RFFL: variants seen among roughly 807,000 people sequenced by gnomAD.
RFFL encodes E3 ubiquitin-protein ligase rififylin.
In RFFL, 16 loss-of-function variants were observed where a neutral mutation model predicts 40.4. The ratio of observed to expected loss-of-function variants is 0.40; its 90% CI spans 0.27 to 0.60. RFFL has a LOEUF of 0.60. Among genes scored for constraint, RFFL ranks in the 20% least tolerant of loss-of-function variants. RFFL has a pLI of 0.47. For missense variants in RFFL, 367 were observed against 451.7 expected (o/e 0.81, Z 1.70); for synonymous variants, 154 against 167.9 (o/e 0.92, Z 0.64).
intron 1 of RFFL, among the ~76,000 whole-genome samples, chr17:35,055,302 AC>A (rs1214687903): frequency 6.6e-6 from 1 of 152,168 alleles, no homozygotes; most frequent in Non-Finnish European, 1.5e-5. Context: ...AGCCCCATGC[AC>A]CCAAAACCTA....
chr17:35,027,182 C>T (rs1440548033), intron 1 of RFFL, among the ~76,000 whole-genome samples: 4 of 152,206 alleles, frequency 2.6e-5, no homozygotes, highest in African/African-American at 7.2e-5. Context: ...GATTTCCCCT[C>T]CTGCCAGCCA....
At chr17:35,048,729 G>A (rs920084636) in intron 1 of RFFL, among the ~76,000 whole-genome samples, 3 of 152,090 alleles carry the variant, frequency 2.0e-5, no homozygotes, top group Non-Finnish European at 2.9e-5. Context: ...AAGAATGAAC[G>A]TATGCCTCCG....
intron 1 of RFFL, among the ~76,000 whole-genome samples, chr17:35,039,056 GCAC>G (rs780849705): frequency 2.0e-4 from 30 of 151,898 alleles, no homozygotes; most frequent in Non-Finnish European, 4.3e-4. Flanking sequence ...CTACAGGCGC[GCAC>G]CACCACACCT....
At chr17:35,087,748 A>G (rs956880422) in intron 1 of RFFL, among the ~76,000 whole-genome samples, 1 of 152,256 alleles carries the variant, frequency 6.6e-6, no homozygotes, top group Admixed American at 6.5e-5. Flanking sequence ...ACCTCTAAAT[A>G]AACTGTAACT....
intron 1 of RFFL, among the ~76,000 whole-genome samples, chr17:35,035,768 A>G (rs2091117672): frequency 6.6e-6 from 1 of 151,794 alleles, no homozygotes; most frequent in South Asian, 2.1e-4. Flanking sequence ...CAACGGCAAG[A>G]TCTCAGCTCA....
intron 1 of RFFL, chr17:35,074,452 C>T (rs1001573458): frequency 3.9e-5 from 6 of 152,102 alleles, no homozygotes; most frequent in Non-Finnish European, 4.4e-5. Flanking sequence ...CTTCTGCAGC[C>T]GACATATTTG....
chr17:35,016,926 T>C (rs1297729538), intron 4 of RFFL, among the ~76,000 whole-genome samples: 2 of 152,130 alleles, frequency 1.3e-5, no homozygotes, highest in African/African-American at 4.8e-5. Context: ...ATCCAGCAAG[T>C]TGCTTACCAC....
At chr17:35,069,319 G>A (rs1351824956) in intron 1 of RFFL, 1 of 456,500 alleles carries the variant, frequency 2.2e-6, no homozygotes, top group East Asian at 6.9e-5. Flanking sequence ...CAAGTCTAGG[G>A]GGCCTTTGTC....
intron 1 of RFFL, among the ~76,000 whole-genome samples, chr17:35,073,337 A>G (rs191383360): frequency 2.0e-5 from 3 of 152,172 alleles, no homozygotes; most frequent in Non-Finnish European, 2.9e-5. Flanking sequence ...TCTCACTGCA[A>G]TTTTAGCTCA....
At chr17:35,017,353 G>T (rs563387702) in intron 4 of RFFL, among the ~76,000 whole-genome samples, 170 bp downstream of exon 4, 38 of 152,086 alleles carry the variant, frequency 2.5e-4, no homozygotes, top group African/African-American at 9.2e-4. Flanking sequence ...TACACTGACC[G>T]CTTCACTAGT....
At chr17:35,071,619 CCAAA>C (rs915416503) in intron 1 of RFFL, among the ~76,000 whole-genome samples, 39 of 147,442 alleles carry the variant, frequency 2.6e-4, no homozygotes, top group African/African-American at 9.2e-4. Flanking sequence ...GAGACACTGT[CCAAA>C]AAAAAAAAAA....
At chr17:35,076,214 G>C (rs952694723) in intron 1 of RFFL, among the ~76,000 whole-genome samples, 1 of 151,230 alleles carries the variant, frequency 6.6e-6, no homozygotes, top group African/African-American at 2.4e-5. Flanking sequence ...GGCTGGTCTC[G>C]AATTCCTGAC....
rs147064045 is a variant in RFFL, at chr17:35,057,400, G to A, written c.-9+6176C>T. On this transcript the variant is annotated intron_variant, in intron 1 of 6. Coordinates refer to ENST00000394597, the MANE Select transcript of RFFL (RefSeq NM_001017368.2). ...AATTATAAATTATTTATTGCCCCAGGGCCTACAAACTTGGGTTCCTTTTCT... is the reference window on the plus strand; with the variant it reads ...AATTATAAATTATTTATTGCCCCAGAGCCTACAAACTTGGGTTCCTTTTCT... Among the ~76,000 whole-genome samples, 7 of 151,532 alleles carry A rather than the reference G, an allele frequency of 4.6e-5. No individual in the cohort carries two copies. In the East Asian group the frequency reaches 1.2e-3, roughly 25 times the overall value.
intron 1 of RFFL, among the ~76,000 whole-genome samples, chr17:35,032,878 C>T (rs1222981475): frequency 6.6e-6 from 1 of 152,058 alleles, no homozygotes; most frequent in Non-Finnish European, 1.5e-5. Flanking sequence ...TGTCAAATGT[C>T]TCAGAGAACA....
intron 3 of RFFL, among the ~76,000 whole-genome samples, chr17:35,020,266 A>G (rs1446176380): frequency 6.6e-6 from 1 of 151,834 alleles, no homozygotes; most frequent in Non-Finnish European, 1.5e-5. Context: ...AGGGTCCCCA[A>G]CCCCTGGGCC....
chr17:35,023,704 A>G (rs2091023251), intron 2 of RFFL, among the ~76,000 whole-genome samples: 1 of 152,252 alleles, frequency 6.6e-6, no homozygotes, highest in Non-Finnish European at 1.5e-5. Context: ...GACAAGACCT[A>G]GCTTGACACA....
At chr17:35,081,834 T>C (rs1480267975) in intron 1 of RFFL, among the ~76,000 whole-genome samples, 1 of 152,120 alleles carries the variant, frequency 6.6e-6, no homozygotes, top group Non-Finnish European at 1.5e-5. Flanking sequence ...TGAACAAAAC[T>C]TCAATTGTAT....
chr17:35,016,562 T>A lies in RFFL; in HGVS notation c.694A>T (p.Ser232Cys), dbSNP rs1305331159. The A allele has an allele frequency of 6.2e-7, 1 of 1,614,094 alleles. No individual in the cohort carries two copies. The highest frequency in any genetic ancestry group is 8.5e-7 in the Non-Finnish European group (1 of 1,179,932). ...GAGGCCCTTCGGCCTGGGACAAAGC[T>A]GTCCTCTGAGTCAATAGACTGCAAT... is the stretch of plus-strand genomic sequence containing the variant. ...DETQSIDSED[S>C]FVPGRRASLS... The change falls in exon 5 of 7, where the codon AGC (serine) becomes TGC (cysteine). Residue 232 changes from serine (S) to cysteine (C), a missense_variant. By Grantham distance (112) the Ser-to-Cys change is moderately radical. Transcript: ENST00000394597.
At chr17:35,066,989 A>G (rs886837756), upstream of RFFL, among the ~76,000 whole-genome samples, 1 of 152,104 alleles carries the variant, frequency 6.6e-6, no homozygotes, top group Non-Finnish European at 1.5e-5. Context: ...AAACTTTATG[A>G]TACTCAACAA....
Sources: allele counts gnomAD v4.1 joint callset (sites outside exome capture counted in the v4.1 genomes callset), GRCh38; gene constraint gnomAD v4.1.1; transcripts MANE v1.5; gene names NCBI Gene and HGNC (gene_info 2026-07-23, HGNC 2026-07-21).